The following ERAP1 variants were observed in gnomAD, a reference collection of about 807,000 sequenced individuals.
The protein encoded by ERAP1 is endoplasmic reticulum aminopeptidase 1.
A neutral mutation model predicts 103.7 loss-of-function variants in ERAP1; 86 were observed. The observed-to-expected ratio is 0.83, with a 90% CI of 0.70 to 0.99. The LOEUF is 0.99. Among genes scored for constraint, ERAP1 ranks in the 50% least tolerant of loss-of-function variants. ERAP1 has a pLI of 0.00. For synonymous variants in ERAP1, 398 were observed against 402.4 expected, an observed-to-expected ratio of 0.99 and a Z score of 0.13; for missense variants, 1,009 against 1,128.4, an observed-to-expected ratio of 0.89 and a Z score of 1.52.
the ERAP1 span, among the ~76,000 whole-genome samples, chr5:96,884,932 A>G: frequency 6.8e-6 from 1 of 147,558 alleles, no homozygotes; most frequent in African/African-American, 2.5e-5. Flanking sequence ...AAACAGCTAA[A>G]TCCTTGTCTA....
chr5:96,908,217 AC>A, the ERAP1 span, among the ~76,000 whole-genome samples: 4 of 152,164 alleles, frequency 2.6e-5, no homozygotes, highest in Non-Finnish European at 4.4e-5. Context: ...TTGGGTGTTC[AC>A]AAGAATGGCT....
At chr5:96,887,128 TAC>T in the ERAP1 span, among the ~76,000 whole-genome samples, 1 of 144,820 alleles carries the variant, frequency 6.9e-6, no homozygotes, top group African/African-American at 2.5e-5. Context: ...CACACACACA[TAC>T]ATATATACCC....
At position 96,793,869 on chromosome 5, in the gene ERAP1, T is replaced by C. The variant is rs1479791796; in HGVS notation, c.1008A>G (p.Ala336=). Reference sequence around the variant, plus strand: ...GCTTACTTGATGCAGAAGACTTTTCTGCATCAAACAACAGAGCAGATTCTC... The same window carrying C: ...GCTTACTTGATGCAGAAGACTTTTCCGCATCAAACAACAGAGCAGATTCTC... ...TYRESALLFD[A]EKSSASSKLG... is the part of the protein sequence containing the mutation. The change falls in exon 6 of 19, where the codon GCA becomes GCG. Residue 336 remains alanine, a synonymous_variant. Transcript: ENST00000443439. 6.2e-7 allele frequency: 1 copy of C among 1,614,214 alleles called. No homozygotes were observed. Among genetic ancestry groups the C allele is most frequent in the Non-Finnish European group, 8.5e-7 (1 of 1,180,020 alleles).
the ERAP1 span, among the ~76,000 whole-genome samples, chr5:96,882,893 C>T: frequency 3.9e-5 from 6 of 152,094 alleles, no homozygotes; most frequent in Non-Finnish European, 8.8e-5. Flanking sequence ...CTATTCTATT[C>T]CCCCCTCCTT....
downstream of ERAP1, chr5:96,773,266 AG>A (rs1773110221): frequency 6.5e-6 from 1 of 153,482 alleles, no homozygotes; most frequent in African/African-American, 2.4e-5. Context: ...CTTCTTTGCC[AG>A]GTGTGAGGAC....
chr5:96,908,993 A>G, the ERAP1 span: 1 of 1,614,214 alleles, frequency 6.2e-7, no homozygotes, highest in Non-Finnish European at 8.5e-7. Context: ...AAAGCTCTTG[A>G]CATGACTTAC....
intron 1 of ERAP1, chr5:96,806,010 T>A (rs1778554615): frequency 2.6e-5 from 4 of 152,334 alleles, no homozygotes; most frequent in Non-Finnish European, 5.9e-5. Flanking sequence ...GAAACAGTTA[T>A]GTCTCAACGA....
the ERAP1 span, among the ~76,000 whole-genome samples, chr5:96,885,844 A>G: frequency 2.0e-5 from 3 of 152,230 alleles, no homozygotes; most frequent in African/African-American, 7.2e-5. Context: ...CCAAATGAAG[A>G]TAGAATTCAG....
In ERAP1 at chr5:96,776,541, A is replaced by C; in HGVS notation, c.2681T>G (p.Phe894Cys). The part of the protein sequence containing the change: ...TRTRLEEVKG[F>C]FSSLKENGSQ... ...ACCATTTTCTTTCAAAGAGCTGAAG[A>C]ATCCTTTTACCTTGTGAGGAAAAAG... Residue 894 changes from phenylalanine to cysteine, a missense_variant, in exon 19 of 19, where the codon TTC becomes TGC. Phe to Cys is a radical substitution (Grantham distance 205, BLOSUM62 -2). Transcript: ENST00000443439. 6.2e-7 allele frequency: 1 copy of C among 1,613,986 alleles called. No individual in the cohort carries two copies. Among genetic ancestry groups the C allele is most frequent in the Non-Finnish European group, 8.5e-7 (1 of 1,179,962 alleles).
At chr5:96,793,260 G>A (rs760818674) in intron 7 of ERAP1, 140 bp downstream of exon 7, 1 of 714,034 alleles carries the variant, frequency 1.4e-6, no homozygotes, top group Non-Finnish European at 2.5e-6. Flanking sequence ...TTTGCAACAC[G>A]ATTCATATCT....
At chr5:96,825,918 G>T in the ERAP1 span, among the ~76,000 whole-genome samples, 1 of 152,070 alleles carries the variant, frequency 6.6e-6, no homozygotes, top group South Asian at 2.1e-4. Flanking sequence ...AAGTTTATCT[G>T]GTCCTCTAGA....
At chr5:96,921,086 G>A in the ERAP1 span, among the ~76,000 whole-genome samples, 1 of 152,172 alleles carries the variant, frequency 6.6e-6, no homozygotes, top group Non-Finnish European at 1.5e-5. Context: ...GACTGTACCT[G>A]AATTTTGTTT....
In ERAP1 at chr5:96,788,598, T is replaced by A; in HGVS notation, c.1612A>T (p.Arg538Trp). The A allele has an allele frequency of 1.2e-6, 2 of 1,614,216 alleles. No individual in the cohort carries two copies. Among genetic ancestry groups the A allele is most frequent in the Non-Finnish European group, 1.7e-6 (2 of 1,180,034 alleles). The change falls in exon 11 of 19, where the codon AGG (arginine) becomes TGG (tryptophan). Residue 538 changes from arginine to tryptophan, a missense_variant. This residue lies in a region of ERAP1 where 611 missense variants were observed against 651.7 expected (regional missense o/e 0.94). Coordinates refer to ENST00000443439, the MANE Select transcript of ERAP1 (RefSeq NM_001040458.3). ...KGFPLITITV[R>W]GRNVHMKQEH... ...TGCTTCATGTGTACATTCCTCCCCC[T>A]CACTGTGATGGTTATTAGGGGAAAA...
the ERAP1 span, among the ~76,000 whole-genome samples, chr5:96,898,444 T>C: frequency 2.0e-5 from 3 of 151,830 alleles, no homozygotes; most frequent in African/African-American, 7.3e-5. Context: ...AGTTTTTACT[T>C]ACAAAAATAC....
the ERAP1 span, among the ~76,000 whole-genome samples, chr5:96,858,490 C>G: frequency 1.8e-4 from 28 of 152,290 alleles, no homozygotes; most frequent in East Asian, 2.7e-3. Context: ...AGCCACCATG[C>G]CTGGCCAATT....
chr5:96,930,391 C>T, the ERAP1 span, among the ~76,000 whole-genome samples: 3 of 152,196 alleles, frequency 2.0e-5, no homozygotes, highest in African/African-American at 7.2e-5. Flanking sequence ...GCATGAAGCT[C>T]CATTGCGCAT....
chr5:96,763,069 T>G, exon 20 of ERAP1: 1 of 767,794 alleles, frequency 1.3e-6, no homozygotes, highest in Non-Finnish European at 2.4e-6. Flanking sequence ...CCCCATCTCC[T>G]TTGGTTGAGA....
At chr5:96,780,578 A>G (rs1775024430) in intron 17 of ERAP1, 74 bp from the exon 18 acceptor site, 1 of 1,149,642 alleles carries the variant, frequency 8.7e-7, no homozygotes, top group Admixed American at 1.7e-5. Flanking sequence ...GGCCTCCTAT[A>G]TATAATAGCT....
intron 18 of ERAP1, among the ~76,000 whole-genome samples, chr5:96,778,548 G>A (rs1048102564): frequency 7.2e-5 from 11 of 152,178 alleles, no homozygotes; most frequent in Admixed American, 2.6e-4. Context: ...AGGAGCGCCT[G>A]TGGGAATTGG....
Sources: gnomAD v4.1 joint callset for allele counts (sites outside exome capture counted in the v4.1 genomes callset) on GRCh38, gnomAD v4.1.1 for gene constraint, gnomAD v4.1.1 regional missense constraint, MANE v1.5 for transcripts, NCBI Gene and HGNC (gene_info 2026-07-23, HGNC 2026-07-21) for gene names.